Variants in LRFN2 observed in about 807,000 individuals in gnomAD.
LRFN2 encodes leucine rich repeat and fibronectin type III domain containing 2, also known as leucine-rich repeat and fibronectin type-III domain-containing protein 2.
In LRFN2, 18 loss-of-function variants were observed where a neutral mutation model predicts 37.3. That is an observed-to-expected ratio of 0.48 (90% CI 0.33 to 0.72). The LOEUF is 0.72. Among genes scored for constraint, LRFN2 ranks in the 30% least tolerant of loss-of-function variants. The probability of loss-of-function intolerance (pLI) is 0.02; values close to 1 mark genes in which losing one functional copy is unlikely to be tolerated. For missense variants in LRFN2, 1,006 were observed against 1,060.7 expected (o/e 0.95, Z 0.72); for synonymous variants, 556 against 466.6 (o/e 1.19, Z -2.47).
chr6:40,540,627 G>A (rs554037169), intron 1 of LRFN2, among the ~76,000 whole-genome samples: 15 of 152,300 alleles, frequency 9.8e-5, no homozygotes, highest in East Asian at 9.7e-4. Flanking sequence ...TGCCTCTGCC[G>A]CAGTATCGTT....
intron 1 of LRFN2, among the ~76,000 whole-genome samples, chr6:40,527,089 C>A (rs556960567): frequency 1.2e-3 from 181 of 152,180 alleles, no homozygotes; most frequent in African/African-American, 4.3e-3. Context: ...CCAGTGATAT[C>A]GAATAGCAGC....
At chr6:40,425,122 C>T (rs1008823422) in intron 2 of LRFN2, among the ~76,000 whole-genome samples, 1 of 152,212 alleles carries the variant, frequency 6.6e-6, no homozygotes, top group African/African-American at 2.4e-5. Context: ...TCCAGTCTCC[C>T]AGGACAGGAC....
intron 2 of LRFN2, among the ~76,000 whole-genome samples, chr6:40,427,953 G>T (rs1029372479): frequency 6.6e-6 from 1 of 152,168 alleles, no homozygotes; most frequent in African/African-American, 2.4e-5. Flanking sequence ...CATAGTATTG[G>T]TCTTGTTAGG....
At chr6:40,467,435 C>T (rs904388717) in intron 1 of LRFN2, among the ~76,000 whole-genome samples, 1 of 152,062 alleles carries the variant, frequency 6.6e-6, no homozygotes, top group African/African-American at 2.4e-5. Flanking sequence ...AGGTGACATC[C>T]CCTCCTCCAA....
At chr6:40,481,951 T>G (rs1392558103) in intron 1 of LRFN2, among the ~76,000 whole-genome samples, 2 of 152,192 alleles carry the variant, frequency 1.3e-5, no homozygotes. Context: ...GTCTAATCCT[T>G]CCAGCAACAC....
rs901992128 is a variant in LRFN2 at position 40,391,695 on chromosome 6, G to A, written c.*248C>T. On this transcript the variant is annotated 3_prime_UTR_variant, in exon 3 of 3. Coordinates refer to ENST00000338305, the MANE Select transcript of LRFN2 (RefSeq NM_020737.3). ...TTTGTGATTAGAAAGGCGGAGTCTC[G>A]CCTTTCCAAACACTCAGGGCTCAGT... is the stretch of plus-strand genomic sequence containing the variant. 5.1e-6 allele frequency: 2 copies of A among 389,410 alleles called. No homozygotes were observed. Among genetic ancestry groups the A allele is most frequent in the East Asian group, 3.9e-5 (1 of 25,564 alleles). 24.1% of individuals were successfully genotyped at this position (389,410 alleles called of 1,614,324 possible). A position where few individuals can be genotyped will look rare whatever the true frequency, so the allele number is the denominator to read the frequency against.
At chr6:40,503,565 T>G (rs1456179411) in intron 1 of LRFN2, among the ~76,000 whole-genome samples, 1 of 152,192 alleles carries the variant, frequency 6.6e-6, no homozygotes. Context: ...TGAGTAGAGT[T>G]GACAGTGCAG....
At chr6:40,586,577 G>A (rs1415905366) in intron 1 of LRFN2, among the ~76,000 whole-genome samples, 1 of 152,036 alleles carries the variant, frequency 6.6e-6, no homozygotes, top group South Asian at 2.1e-4. Context: ...TTGCATGTGC[G>A]GAGATGCAAC....
intron 1 of LRFN2, among the ~76,000 whole-genome samples, chr6:40,456,340 T>C (rs1022881641): frequency 3.3e-5 from 5 of 152,230 alleles, no homozygotes; most frequent in African/African-American, 1.2e-4. Context: ...GGCAGATAAC[T>C]GCTTAGAAAG....
chr6:40,435,040 TATATATATATATAGAGAGAGAGAGAG>T (rs1197044508), intron 1 of LRFN2, among the ~76,000 whole-genome samples: 47 of 93,706 alleles, frequency 5.0e-4, no homozygotes, highest in African/African-American at 2.2e-3. Context: ...TATATATATA[TATATATATATATAGAGAGAGAGAGAG>T]AGAGAGAGAG....
At chr6:40,470,518 G>A (rs1228396902) in intron 1 of LRFN2, among the ~76,000 whole-genome samples, 1 of 152,066 alleles carries the variant, frequency 6.6e-6, no homozygotes, top group African/African-American at 2.4e-5. Context: ...GCTGAGGCAG[G>A]AGAATCGCTT....
Position 40,432,222 on chromosome 6 carries a change from A to G in LRFN2, c.892T>C (p.Leu298=). The change falls in exon 2 of 3, where the codon TTG becomes CTG. Residue 298 remains leucine, a synonymous_variant. Transcript: ENST00000338305. ...GCCGCCTGGCCCTCCAGAACCAGCA[A>G]CTTGTGTGTGTGCTGGGTGATGAGA... is the stretch of plus-strand genomic sequence containing the variant. The part of the protein sequence containing the change: ...PPLITQHTHK[L]LVLEGQAATL... The G allele has an allele frequency of 6.2e-7, 1 of 1,613,992 alleles. No homozygotes were observed. The highest frequency in any genetic ancestry group is 8.5e-7 in the Non-Finnish European group (1 of 1,180,018).
intron 1 of LRFN2, among the ~76,000 whole-genome samples, chr6:40,477,735 G>A (rs971003033): frequency 2.0e-5 from 3 of 152,130 alleles, no homozygotes; most frequent in African/African-American, 7.2e-5. Context: ...CTAGGAAAGA[G>A]ACCCCAGCTG....
chr6:40,417,664 C>T (rs1410871946), intron 2 of LRFN2, among the ~76,000 whole-genome samples: 1 of 152,168 alleles, frequency 6.6e-6, no homozygotes, highest in East Asian at 1.9e-4. Flanking sequence ...TCTCCACTCA[C>T]GGCTATGAGT....
intron 1 of LRFN2, among the ~76,000 whole-genome samples, chr6:40,580,830 T>C (rs940476973): frequency 2.6e-5 from 4 of 152,182 alleles, no homozygotes; most frequent in Non-Finnish European, 5.9e-5. Flanking sequence ...CTCATGAACG[T>C]GTGTACATGA....
rs554017636 is a variant in LRFN2 at position 40,416,093 on chromosome 6, C to T, written c.1400+15621G>A. On this transcript the variant is annotated intron_variant, in intron 2 of 2. Transcript: ENST00000338305. Reference sequence around the variant, plus strand: ...GCGGAATCTTGGCTCACTGCAACCTCTGCCTCCTGGGTTCAAGCAATTTTC... The same window carrying T: ...GCGGAATCTTGGCTCACTGCAACCTTTGCCTCCTGGGTTCAAGCAATTTTC... Among the ~76,000 whole-genome samples, 249 of 152,320 alleles carry T rather than the reference C, an allele frequency of 1.6e-3. 2 individuals are homozygous for T. The highest frequency in any genetic ancestry group is 5.3e-3 in the African/African-American group (222 of 41,570).
chr6:40,538,293 G>C (rs541056397), intron 1 of LRFN2, among the ~76,000 whole-genome samples: 1 of 152,184 alleles, frequency 6.6e-6, no homozygotes, highest in Admixed American at 6.5e-5. Context: ...GAGCCAACAG[G>C]CTTCCCCTAC....
intron 1 of LRFN2, among the ~76,000 whole-genome samples, chr6:40,447,859 C>T (rs1764007687): frequency 6.6e-6 from 1 of 152,156 alleles, no homozygotes; most frequent in Non-Finnish European, 1.5e-5. Flanking sequence ...TAGATATTGC[C>T]AGAGTCTAGG....
At chr6:40,401,483 C>T (rs1021335659) in intron 2 of LRFN2, among the ~76,000 whole-genome samples, 35 of 152,164 alleles carry the variant, frequency 2.3e-4, no homozygotes, top group African/African-American at 8.4e-4. Context: ...GGAAGGTCTC[C>T]TGATAACCTG....
Sources: gnomAD v4.1 joint callset for allele counts (sites outside exome capture counted in the v4.1 genomes callset) on GRCh38, gnomAD v4.1.1 for gene constraint, MANE v1.5 for transcripts, NCBI Gene and HGNC (gene_info 2026-07-23, HGNC 2026-07-21) for gene names.